Variants in SBF2 observed in about 807,000 individuals in gnomAD.
The protein encoded by SBF2 is myotubularin-related protein 13.
SBF2 carries 112 observed loss-of-function variants against 225.2 expected under a neutral mutation model. The ratio of observed to expected loss-of-function variants is 0.50; its 90% CI spans 0.43 to 0.58. The LOEUF is 0.58. Ranked by LOEUF, SBF2 falls within the 20% of genes least tolerant of loss-of-function variation. The probability of loss-of-function intolerance (pLI) is 0.00; values close to 1 mark genes in which losing one functional copy is unlikely to be tolerated. For missense variants in SBF2, 1,996 were observed against 2,206.2 expected (o/e 0.90, Z 1.91); for synonymous variants, 763 against 773.3 (o/e 0.99, Z 0.22).
intron 2 of SBF2, among the ~76,000 whole-genome samples, chr11:10,052,105 A>C (rs537351082): frequency 3.9e-5 from 6 of 152,148 alleles, no homozygotes; most frequent in African/African-American, 1.4e-4. Flanking sequence ...GCATTATACA[A>C]ACAGGATAAA....
At chr11:10,251,967 T>G (rs992331512) in intron 1 of SBF2, among the ~76,000 whole-genome samples, 3 of 152,212 alleles carry the variant, frequency 2.0e-5, no homozygotes, top group African/African-American at 4.8e-5. Flanking sequence ...GGCTAAAGTT[T>G]GGACTAAGCT....
chr11:9,800,471 G>T (rs1801555906), intron 32 of SBF2, among the ~76,000 whole-genome samples: 1 of 150,826 alleles, frequency 6.6e-6, no homozygotes, highest in Admixed American at 6.6e-5. Context: ...CAGTGGCGCA[G>T]TCTCGGCTCA....
At chr11:9,926,335 T>C (rs1475285022) in intron 16 of SBF2, among the ~76,000 whole-genome samples, 1 of 152,164 alleles carries the variant, frequency 6.6e-6, no homozygotes, top group Non-Finnish European at 1.5e-5. Context: ...TTGTCTTTTT[T>C]TTTTTCCTTT....
intron 13 of SBF2, among the ~76,000 whole-genome samples, chr11:9,973,107 C>G (rs183026349): frequency 2.6e-4 from 40 of 152,278 alleles, no homozygotes; most frequent in Non-Finnish European, 5.6e-4. Flanking sequence ...ATGTAAAGGA[C>G]CACATTTGCT....
At chr11:10,289,044 C>T (rs1469534806) in intron 1 of SBF2, among the ~76,000 whole-genome samples, 2 of 152,238 alleles carry the variant, frequency 1.3e-5, no homozygotes, top group African/African-American at 4.8e-5. Flanking sequence ...CCTCAAACCC[C>T]TCCCACGGTG....
At chr11:10,298,463 C>T (rs1019190197), upstream of SBF2, among the ~76,000 whole-genome samples, 1 of 152,192 alleles carries the variant, frequency 6.6e-6, no homozygotes, top group Non-Finnish European at 1.5e-5. Flanking sequence ...CTTATCAGCC[C>T]ATTGCCCCTA....
At chr11:9,858,133 G>T in intron 18 of SBF2, 93 bp downstream of exon 18, 2 of 1,390,546 alleles carry the variant, frequency 1.4e-6, no homozygotes, top group Non-Finnish European at 2.0e-6. Context: ...CTGGCAGGAA[G>T]TAGCTAGAGT....
At chr11:10,163,568 T>A (rs1262842754) in intron 2 of SBF2, among the ~76,000 whole-genome samples, 1 of 152,142 alleles carries the variant, frequency 6.6e-6, no homozygotes, top group Non-Finnish European at 1.5e-5. Flanking sequence ...TATTAAGTAA[T>A]TTGATCCATA....
At chr11:9,797,536 G>A (rs546536641) in intron 32 of SBF2, among the ~76,000 whole-genome samples, 1 of 152,336 alleles carries the variant, frequency 6.6e-6, no homozygotes, top group South Asian at 2.1e-4. Context: ...CATGGGACAT[G>A]GCTCTGAATA....
intron 17 of SBF2, among the ~76,000 whole-genome samples, chr11:9,871,470 C>CATATTATTA (rs1554934598): frequency 1.5e-5 from 2 of 136,938 alleles, no homozygotes; most frequent in South Asian, 2.5e-4. Context: ...CAGGATGACG[C>CATATTATTA]TTATTATTAT....
intron 2 of SBF2, among the ~76,000 whole-genome samples, chr11:10,161,714 G>A (rs535000620): frequency 1.3e-5 from 2 of 152,036 alleles, no homozygotes; most frequent in Admixed American, 1.3e-4. Flanking sequence ...GGGTGGGCGT[G>A]GTGGCTCACG....
intron 2 of SBF2, among the ~76,000 whole-genome samples, chr11:10,185,928 T>C (rs1250872255): frequency 1.3e-5 from 2 of 152,192 alleles, no homozygotes; most frequent in African/African-American, 4.8e-5. Context: ...AGTTTATGCA[T>C]ATTTTTGATT....
chr11:10,263,108 T>C (rs917227290), intron 1 of SBF2, among the ~76,000 whole-genome samples: 11 of 152,204 alleles, frequency 7.2e-5, no homozygotes, highest in African/African-American at 2.4e-4. Flanking sequence ...AATCTCCTCC[T>C]TATAGATACC....
At chr11:9,862,282 G>A (rs1365928057) in intron 17 of SBF2, among the ~76,000 whole-genome samples, 2 of 152,190 alleles carry the variant, frequency 1.3e-5, no homozygotes, top group Non-Finnish European at 2.9e-5. Flanking sequence ...GATGGGCAGG[G>A]CCATTCCACT....
intron 1 of SBF2, among the ~76,000 whole-genome samples, chr11:10,271,196 CTTTTT>C (rs35931698): frequency 1.2e-5 from 1 of 81,082 alleles, no homozygotes; most frequent in African/African-American, 4.1e-5. Flanking sequence ...AATCTTGATT[CTTTTT>C]TTTTTTTTTT....
intron 16 of SBF2, among the ~76,000 whole-genome samples, chr11:9,949,234 T>A (rs548478117): frequency 1.3e-5 from 2 of 152,272 alleles, no homozygotes; most frequent in African/African-American, 4.8e-5. Flanking sequence ...TTTGAAAACC[T>A]AACTGAGTCA....
intron 1 of SBF2, among the ~76,000 whole-genome samples, chr11:10,300,576 A>G (rs1312311397): frequency 6.6e-6 from 1 of 151,868 alleles, no homozygotes; most frequent in Non-Finnish European, 1.5e-5. Context: ...TTCTAATCTG[A>G]TATCACAGGA....
chr11:9,783,599 C>T lies in SBF2; in HGVS notation c.5319+752G>A, dbSNP rs143913739. The stretch of plus-strand genomic sequence containing the variant: ...GAGTTGCTGGAGGTTTGGGTAGGAA[C>T]TGCTCTCCCTTGAAATCACTGGAGT... On this transcript the variant is annotated intron_variant, in intron 38 of 39. Coordinates refer to ENST00000256190, the MANE Select transcript of SBF2 (RefSeq NM_030962.4). Among the ~76,000 whole-genome samples the T allele has an allele frequency of 7.5e-3, 1,142 of 152,332 alleles. 4 individuals are homozygous for T. Among genetic ancestry groups the T allele is most frequent in the Non-Finnish European group, 0.011 (718 of 68,020 alleles).
chr11:10,226,533 T>C (rs1958563236), intron 1 of SBF2, among the ~76,000 whole-genome samples: 2 of 143,698 alleles, frequency 1.4e-5, no homozygotes, highest in South Asian at 2.4e-4. Flanking sequence ...TCTGTGTCCA[T>C]GTGTTCTCAT....
Sources: gnomAD v4.1 joint callset for allele counts (sites outside exome capture counted in the v4.1 genomes callset) on GRCh38, gnomAD v4.1.1 for gene constraint, MANE v1.5 for transcripts, NCBI Gene and HGNC (gene_info 2026-07-23, HGNC 2026-07-21) for gene names.